Variants in STPG2 observed in about 807,000 individuals in gnomAD.
STPG2 encodes sperm tail PG-rich repeat containing 2.
Under a neutral mutation model 54.2 loss-of-function variants are expected in STPG2, and 56 were observed. The observed-to-expected ratio is 1.03, with a 90% CI of 0.83 to 1.29. STPG2 has a LOEUF of 1.29. STPG2 is among the 50% of genes most tolerant of loss of function. STPG2 has a pLI of 0.00. For synonymous variants in STPG2, 200 were observed against 181.8 expected (o/e 1.10, Z -0.81); for missense variants, 596 against 544.9 (o/e 1.09, Z -0.93).
At chr4:97,897,839 C>T (rs1291295730) in intron 8 of STPG2, among the ~76,000 whole-genome samples, 2 of 152,154 alleles carry the variant, frequency 1.3e-5, no homozygotes, top group Non-Finnish European at 2.9e-5. Flanking sequence ...CAAAAATTTC[C>T]TCCCATTCTG....
At chr4:97,601,627 T>A (rs377458438) in intron 10 of STPG2, among the ~76,000 whole-genome samples, 1 of 151,918 alleles carries the variant, frequency 6.6e-6, no homozygotes, top group African/African-American at 2.4e-5. Flanking sequence ...AAGGGCTCCA[T>A]GTCCCTGTTT....
intron 4 of STPG2, among the ~76,000 whole-genome samples, chr4:97,495,547 C>T (rs563309667): frequency 4.0e-5 from 6 of 150,738 alleles, no homozygotes; most frequent in East Asian, 2.0e-4. Flanking sequence ...TTATGCAGTT[C>T]GGTTTGAAAA....
chr4:97,674,949 T>A (rs990545086), intron 10 of STPG2, among the ~76,000 whole-genome samples: 2 of 152,190 alleles, frequency 1.3e-5, no homozygotes, highest in Non-Finnish European at 2.9e-5. Context: ...GGTAAAGCCA[T>A]GCAATCTCTT....
chr4:97,601,050 T>C (rs1355113309), intron 10 of STPG2, among the ~76,000 whole-genome samples: 2 of 152,054 alleles, frequency 1.3e-5, no homozygotes, highest in African/African-American at 4.8e-5. Context: ...GTGATTGGGA[T>C]AGGAGTGGGA....
chr4:97,629,061 T>C (rs1298273836), intron 10 of STPG2, among the ~76,000 whole-genome samples: 1 of 152,022 alleles, frequency 6.6e-6, no homozygotes, highest in Non-Finnish European at 1.5e-5. Flanking sequence ...TGTATATGCA[T>C]AAACTTTAAT....
chr4:97,796,226 T>C (rs111593478), intron 9 of STPG2, among the ~76,000 whole-genome samples: 24,523 of 152,170 alleles, frequency 0.16, 2,150 homozygotes, highest in East Asian at 0.36. Flanking sequence ...TTGTCAATTT[T>C]GGCTTTTGTT....
intron 8 of STPG2, among the ~76,000 whole-genome samples, chr4:97,858,573 C>A (rs1406845536): frequency 6.6e-6 from 1 of 152,060 alleles, no homozygotes; most frequent in Non-Finnish European, 1.5e-5. Flanking sequence ...CTCTCCAAGT[C>A]CCAAGAGTCC....
At chr4:97,558,278 G>C (rs1182633228), downstream of STPG2, among the ~76,000 whole-genome samples, 1 of 152,244 alleles carries the variant, frequency 6.6e-6, no homozygotes, top group East Asian at 1.9e-4. Context: ...TTGATAATTA[G>C]TAAAAATCTC....
intron 5 of STPG2, among the ~76,000 whole-genome samples, chr4:98,098,613 T>G (rs892776720): frequency 6.6e-6 from 1 of 151,952 alleles, no homozygotes; most frequent in African/African-American, 2.4e-5. Flanking sequence ...AAAGCAAAAA[T>G]GGACAAATGG....
intron 4 of STPG2, among the ~76,000 whole-genome samples, chr4:97,443,255 T>C (rs1729135237): frequency 6.6e-6 from 1 of 152,128 alleles, no homozygotes; most frequent in Non-Finnish European, 1.5e-5. Flanking sequence ...ACAAGGCGGA[T>C]AAAAACCTAA....
intron 10 of STPG2, among the ~76,000 whole-genome samples, chr4:97,560,826 G>T (rs544358229): frequency 1.7e-4 from 26 of 152,200 alleles, no homozygotes; most frequent in African/African-American, 6.0e-4. Flanking sequence ...TTGAGGGGAG[G>T]GGGGAACGAC....
At chr4:97,837,402 T>A (rs1728665854) in intron 9 of STPG2, among the ~76,000 whole-genome samples, 1 of 151,784 alleles carries the variant, frequency 6.6e-6, no homozygotes, top group Non-Finnish European at 1.5e-5. Context: ...TTGTTGAGCA[T>A]ACCCCTGCCC....
chr4:97,934,433 T>C (rs1732671088), intron 8 of STPG2, among the ~76,000 whole-genome samples: 1 of 152,190 alleles, frequency 6.6e-6, no homozygotes, highest in South Asian at 2.1e-4. Context: ...ATCCTCATCT[T>C]ATGCCAGTTT....
chr4:97,896,589 G>A (rs1164550501), intron 8 of STPG2, among the ~76,000 whole-genome samples: 4 of 151,588 alleles, frequency 2.6e-5, no homozygotes, highest in Admixed American at 6.6e-5. Context: ...GATGGTTGCC[G>A]AATTTAAATA....
chr4:97,801,282 G>C (rs1033227833), intron 9 of STPG2, among the ~76,000 whole-genome samples: 1 of 152,126 alleles, frequency 6.6e-6, no homozygotes, highest in African/African-American at 2.4e-5. Flanking sequence ...CTCACGCTGG[G>C]AGCTGTAGAC....
chr4:97,727,009 A>G (rs1724645836), intron 9 of STPG2, among the ~76,000 whole-genome samples: 1 of 151,916 alleles, frequency 6.6e-6, no homozygotes, highest in South Asian at 2.1e-4. Context: ...TTCTGTAGAG[A>G]TAGAAACAAG....
At chr4:97,942,886 C>A (rs1255983201) in intron 8 of STPG2, among the ~76,000 whole-genome samples, 1 of 152,148 alleles carries the variant, frequency 6.6e-6, no homozygotes, top group Non-Finnish European at 1.5e-5. Context: ...TCAAGATAGT[C>A]CAATTTCTAC....
At chr4:97,609,893 CTTGAT>C (rs1418213403) in intron 10 of STPG2, among the ~76,000 whole-genome samples, 2 of 151,524 alleles carry the variant, frequency 1.3e-5, no homozygotes, top group African/African-American at 4.8e-5. Flanking sequence ...ACATTTTTAT[CTTGAT>C]TTATCATCAG....
chr4:97,777,164 A>G (rs1418646471), intron 9 of STPG2, among the ~76,000 whole-genome samples: 1 of 152,230 alleles, frequency 6.6e-6, no homozygotes, highest in Non-Finnish European at 1.5e-5. Flanking sequence ...CCATCCAAGA[A>G]AAACTTCACA....
Sources: gnomAD v4.1 joint callset for allele counts (sites outside exome capture counted in the v4.1 genomes callset) on GRCh38, gnomAD v4.1.1 for gene constraint, MANE v1.5 for transcripts, NCBI Gene and HGNC (gene_info 2026-07-23, HGNC 2026-07-21) for gene names.